Variants in LDLRAD4 observed in about 807,000 individuals in gnomAD.
LDLRAD4 encodes the protein low density lipoprotein receptor class A domain containing 4, also known as low-density lipoprotein receptor class A domain-containing protein 4.
In LDLRAD4, 5 loss-of-function variants were observed where a neutral mutation model predicts 17.0. That is an observed-to-expected ratio of 0.29 (90% CI 0.15 to 0.62). The LOEUF (loss-of-function observed/expected upper bound fraction) is 0.62. LDLRAD4 is among the 20% of genes least tolerant of loss of function. The probability of loss-of-function intolerance (pLI) is 0.84; values close to 1 mark genes in which losing one functional copy is unlikely to be tolerated. For synonymous variants in LDLRAD4, 168 were observed against 171.8 expected (o/e 0.98, Z 0.17); for missense variants, 340 against 424.7 (o/e 0.80, Z 1.75).
chr18:13,535,603 G>T (rs1465390485), intron 3 of LDLRAD4, among the ~76,000 whole-genome samples: 1 of 152,128 alleles, frequency 6.6e-6, no homozygotes, highest in African/African-American at 2.4e-5. Flanking sequence ...CTCCTAGTCT[G>T]TGGTTTGTTT....
Position 13,350,889 on chromosome 18 carries a change from C to G in LDLRAD4, c.-382-36452C>G, listed in dbSNP as rs536893040. ...CAGCTCCATTTATTAAATAGGGAAT[C>G]CTTTCCCCATTGCTTGTTTTTGTAC... On this transcript the variant is annotated intron_variant, in intron 1 of 5. Transcript: ENST00000359446. Among the ~76,000 whole-genome samples the G allele has an allele frequency of 1.7e-3, 253 of 152,272 alleles. 2 individuals are homozygous for G. The highest frequency in any genetic ancestry group is 5.9e-3 in the African/African-American group (244 of 41,552).
chr18:13,518,449 GTCT>G lies in LDLRAD4; in HGVS notation c.181+80070_181+80072del, dbSNP rs147335514. Among the ~76,000 whole-genome samples the G allele has an allele frequency of 2.3e-3, 343 of 152,288 alleles. 7 individuals are homozygous for G. The East Asian group carries it at 0.045, about 20-fold the overall frequency. ...TTTCTCCTTATACAAAGTTCCCAAT[GTCT>G]TCTTTTCTTTTTAAGCTATTAAACA... On this transcript the variant is annotated intron_variant, in intron 3 of 5. Coordinates refer to ENST00000359446, the Ensembl canonical transcript of LDLRAD4.
chr18:13,611,982 C>T, intron 3 of LDLRAD4: 1 of 985,402 alleles, frequency 1.0e-6, no homozygotes, highest in Non-Finnish European at 1.2e-6. Context: ...CCCAGCCGGG[C>T]GAGCACGCTC....
intron 1 of LDLRAD4, among the ~76,000 whole-genome samples, chr18:13,374,459 C>T (rs1290079236): frequency 6.6e-6 from 1 of 152,258 alleles, no homozygotes; most frequent in Non-Finnish European, 1.5e-5. Context: ...TCAGCATCCC[C>T]TGGGAGCTGG....
chr18:13,439,787 G>A (rs2090907381), intron 3 of LDLRAD4, among the ~76,000 whole-genome samples: 1 of 152,212 alleles, frequency 6.6e-6, no homozygotes, highest in Non-Finnish European at 1.5e-5. Flanking sequence ...CCTCCCTGAG[G>A]ATGAGCAGGC....
chr18:13,431,291 G>A (rs1312669155), intron 2 of LDLRAD4, among the ~76,000 whole-genome samples: 9 of 152,228 alleles, frequency 5.9e-5, no homozygotes, highest in Admixed American at 3.3e-4. Flanking sequence ...GAGTTTGAAA[G>A]GGGGTTCTTA....
At chr18:13,538,531 T>G (rs563849427) in intron 3 of LDLRAD4, among the ~76,000 whole-genome samples, 136 of 101,988 alleles carry the variant, frequency 1.3e-3, no homozygotes, top group Non-Finnish European at 2.4e-3. Context: ...ATGTCTATGA[T>G]TTTTTTTTTT....
rs150663178 is a variant in LDLRAD4, at chr18:13,416,733, A to G, written c.41-21511A>G. ...TTATTTGCTATAGCAAATAAAAGCT[A>G]TGCTCTATGCAATGGAAGAACACAG... On this transcript the variant is annotated intron_variant, in intron 2 of 5. Coordinates refer to ENST00000359446, the Ensembl canonical transcript of LDLRAD4. Among the ~76,000 whole-genome samples the G allele has an allele frequency of 2.9e-3, 440 of 152,356 alleles. 3 individuals are homozygous for G. Among genetic ancestry groups the G allele is most frequent in the Non-Finnish European group, 1.2e-3 (83 of 68,036 alleles).
intron 3 of LDLRAD4, among the ~76,000 whole-genome samples, chr18:13,545,019 A>G (rs1427110345): frequency 6.6e-6 from 1 of 151,870 alleles, no homozygotes; most frequent in Non-Finnish European, 1.5e-5. Flanking sequence ...GTAAACATCC[A>G]CTGTGTGAAG....
intron 1 of LDLRAD4, among the ~76,000 whole-genome samples, chr18:13,285,295 G>A (rs1204585212): frequency 6.6e-6 from 1 of 152,208 alleles, no homozygotes. Flanking sequence ...AGGGTTAAGA[G>A]CACTTGCAGT....
Position 13,485,996 on chromosome 18 carries a change from G to A in LDLRAD4, c.181+47612G>A, listed in dbSNP as rs114448176. On this transcript the variant is annotated intron_variant, in intron 3 of 5. Coordinates refer to ENST00000359446, the Ensembl canonical transcript of LDLRAD4. ...TTATTCATTAACTGCTTTAAAGCGG[G>A]ACTTTTCCCTTCTCTTCTGGTTTAG... 8.8e-3 allele frequency among the ~76,000 whole-genome samples: 1,345 copies of A among 152,320 alleles called. 21 individuals carry two copies. Among genetic ancestry groups the A allele is most frequent in the African/African-American group, 0.03 (1,252 of 41,558 alleles).
intron 4 of LDLRAD4, among the ~76,000 whole-genome samples, chr18:13,639,270 A>G (rs1015648764): frequency 2.0e-5 from 3 of 152,154 alleles, no homozygotes; most frequent in Admixed American, 6.5e-5. Flanking sequence ...CTCCCTGAAA[A>G]TGTTCTCCAT....
At chr18:13,557,098 C>A (rs1206351653) in intron 3 of LDLRAD4, among the ~76,000 whole-genome samples, 1 of 151,450 alleles carries the variant, frequency 6.6e-6, no homozygotes, top group Non-Finnish European at 1.5e-5. Context: ...AGTTTGAGAC[C>A]AGCCTAGCCA....
intron 2 of LDLRAD4, among the ~76,000 whole-genome samples, chr18:13,391,659 C>T (rs1237492200): frequency 6.9e-6 from 1 of 145,034 alleles, no homozygotes; most frequent in East Asian, 2.0e-4. Context: ...TGTAAGCAAA[C>T]TCGGAAAGCG....
At chr18:13,247,948 G>A (rs2043038030) in intron 1 of LDLRAD4, among the ~76,000 whole-genome samples, 1 of 29,272 alleles carries the variant, frequency 3.4e-5, no homozygotes, top group African/African-American at 9.5e-5. Context: ...TGCACACAGC[G>A]CCGCCCCCCG....
chr18:13,596,775 G>T (rs1278908295), intron 3 of LDLRAD4, among the ~76,000 whole-genome samples: 5 of 152,124 alleles, frequency 3.3e-5, no homozygotes. Context: ...ATTTGTTCCT[G>T]TGGATTTGAG....
intron 1 of LDLRAD4, among the ~76,000 whole-genome samples, chr18:13,263,677 C>T (rs187821307): frequency 3.3e-5 from 5 of 152,192 alleles, no homozygotes; most frequent in African/African-American, 1.2e-4. Flanking sequence ...TGTTGGTAAT[C>T]GTATTACCCA....
intron 1 of LDLRAD4, among the ~76,000 whole-genome samples, chr18:13,249,045 C>T (rs897104834): frequency 4.0e-5 from 6 of 151,696 alleles, no homozygotes; most frequent in African/African-American, 1.5e-4. Context: ...AACATAATGC[C>T]CTCTAGTTCC....
At chr18:13,511,305 C>T (rs532953724) in intron 3 of LDLRAD4, among the ~76,000 whole-genome samples, 18 of 152,234 alleles carry the variant, frequency 1.2e-4, no homozygotes, top group South Asian at 2.1e-4. Context: ...GAGGCTGAGG[C>T]GGGCGGATCA....
Sources: gnomAD v4.1 joint callset for allele counts (sites outside exome capture counted in the v4.1 genomes callset) on GRCh38, gnomAD v4.1.1 for gene constraint, MANE v1.5 for transcripts, NCBI Gene and HGNC (gene_info 2026-07-23, HGNC 2026-07-21) for gene names.